Variants in AP3S2 observed in about 807,000 individuals in gnomAD.
The protein encoded by AP3S2 is AP-3 complex subunit sigma-2.
In AP3S2, 22 loss-of-function variants were observed where a neutral mutation model predicts 23.4. The ratio of observed to expected loss-of-function variants is 0.94; its 90% CI spans 0.67 to 1.34. The LOEUF (loss-of-function observed/expected upper bound fraction) is 1.34, where lower values mean the gene tolerates loss of function less well. Ranked by LOEUF, AP3S2 falls within the 40% of genes most tolerant of loss-of-function variation. AP3S2 has a pLI of 0.00. For missense variants in AP3S2, 241 were observed against 236.9 expected (o/e 1.02, Z -0.11); for synonymous variants, 86 against 87.1 (o/e 0.99, Z 0.07).
chr15:89,890,262 C>A (rs1896790834), intron 1 of AP3S2, among the ~76,000 whole-genome samples: 1 of 152,100 alleles, frequency 6.6e-6, no homozygotes, highest in African/African-American at 2.4e-5. Flanking sequence ...GTTGGTCAGG[C>A]TGGTCTTGAA....
intron 4 of AP3S2, among the ~76,000 whole-genome samples, chr15:89,842,794 G>A (rs1895362303): frequency 6.6e-6 from 1 of 151,940 alleles, no homozygotes; most frequent in Admixed American, 6.6e-5. Context: ...TGTATTTTTA[G>A]TAGAGACGGG....
Position 89,835,629 on chromosome 15 carries a change from T to G in AP3S2, c.468A>C (p.Ala156=). 1 of 1,609,186 alleles carries G rather than the reference T, an allele frequency of 6.2e-7. No homozygotes were observed. Reference sequence around the variant, plus strand: ...CAGCAGACACAGCCCGCGCAGGGGCTGCTGAAAGGCCACCCTAAGAAGAAA... The same window carrying G: ...CAGCAGACACAGCCCGCGCAGGGGCGGCTGAAAGGCCACCCTAAGAAGAAA... ...RLEKSEGGLS[A]APARAVSAVK... The change falls in exon 6 of 6, where the codon GCA becomes GCC. Residue 156 remains alanine, a synonymous_variant. Coordinates refer to ENST00000336418, the MANE Select transcript of AP3S2 (RefSeq NM_005829.5).
intron 4 of AP3S2, among the ~76,000 whole-genome samples, chr15:89,870,559 A>G (rs1015105747): frequency 1.3e-5 from 2 of 152,200 alleles, no homozygotes; most frequent in African/African-American, 4.8e-5. Context: ...GCCAACCTCA[A>G]CAGAGTCAAC....
chr15:89,834,161 C>CT lies in AP3S2; in HGVS notation c.*1353dup, dbSNP rs1344598902. 6.6e-6 allele frequency: 1 copy of CT among 152,310 alleles called. No individual in the cohort carries two copies. The highest frequency in any genetic ancestry group is 1.9e-4 in the East Asian group (1 of 5,192). The allele number at this position is 152,310 out of a possible 1,614,324, so 9.4% of individuals were successfully genotyped here. On this transcript the variant is annotated 3_prime_UTR_variant, in exon 6 of 6. Coordinates refer to ENST00000336418, the MANE Select transcript of AP3S2 (RefSeq NM_005829.5). ...TGGGGAGGGAGAAGAGGCAGCCCTG[C>CT]TCCTAGTCGCAGCCAGCGTGCGTCA...
At chr15:89,892,840 A>G (rs1038686452) in intron 1 of AP3S2, among the ~76,000 whole-genome samples, 5 of 151,922 alleles carry the variant, frequency 3.3e-5, no homozygotes, top group African/African-American at 1.2e-4. Context: ...AATTTTTTGT[A>G]TTTTTAGTAG....
chr15:89,860,294 TAAC>T (rs1479398039), intron 4 of AP3S2, among the ~76,000 whole-genome samples: 2 of 152,146 alleles, frequency 1.3e-5, no homozygotes, highest in African/African-American at 4.8e-5. Context: ...TTAACAACGA[TAAC>T]TAATAATAAA....
chr15:89,850,444 A>G (rs1243656560), intron 4 of AP3S2, among the ~76,000 whole-genome samples: 2 of 152,206 alleles, frequency 1.3e-5, no homozygotes, highest in Non-Finnish European at 2.9e-5. Context: ...AAGCATTAGA[A>G]TCACTCTAAG....
At chr15:89,876,819 C>T (rs974999537) in intron 3 of AP3S2, 3 of 155,052 alleles carry the variant, frequency 1.9e-5, no homozygotes, top group African/African-American at 7.2e-5. Context: ...AGAAATAGCT[C>T]CAGTTACTAG....
intron 4 of AP3S2, among the ~76,000 whole-genome samples, chr15:89,856,504 G>A (rs1181008212): frequency 6.6e-6 from 1 of 151,966 alleles, no homozygotes; most frequent in Non-Finnish European, 1.5e-5. Flanking sequence ...TTCAAGACTA[G>A]CCTGGCCAAG....
At chr15:89,868,375 G>A (rs1482456879) in intron 4 of AP3S2, among the ~76,000 whole-genome samples, 14 of 55,818 alleles carry the variant, frequency 2.5e-4, no homozygotes, top group Non-Finnish European at 5.2e-4. Flanking sequence ...CAGCCGCCCT[G>A]TCCGGGAGGG....
rs200273434 is a variant in AP3S2, at chr15:89,889,073, A to G, written c.137T>C (p.Ile46Thr). ...CCTTCCACCCTCCAAGAAGTTACAG[A>G]TGTTGTCATCCCGCTTGAGGACTAG... ...FHLVLKRDDNICNFLEGGSLI... is the reference protein window; with the variant it reads ...FHLVLKRDDNTCNFLEGGSLI... Residue 46 changes from isoleucine to threonine, a missense_variant, in exon 2 of 6, where the codon ATC (isoleucine) becomes ACC (threonine). Ile to Thr is a moderately conservative substitution (Grantham distance 89). Coordinates refer to ENST00000336418, the MANE Select transcript of AP3S2 (RefSeq NM_005829.5). The G allele has an allele frequency of 6.2e-7, 1 of 1,614,164 alleles. No individual in the cohort carries two copies. The highest frequency in any genetic ancestry group is 1.1e-5 in the South Asian group (1 of 91,076).
intron 4 of AP3S2, among the ~76,000 whole-genome samples, chr15:89,843,112 G>T (rs931991414): frequency 7.3e-6 from 1 of 136,682 alleles, no homozygotes; most frequent in East Asian, 2.7e-4. Flanking sequence ...AGCCTCCTGA[G>T]TAGCTGGGAT....
chr15:89,878,190 G>A (rs540080021), intron 3 of AP3S2: 3 of 610,328 alleles, frequency 4.9e-6, no homozygotes, highest in Non-Finnish European at 8.6e-6. Context: ...AAGCTGGGTG[G>A]TGATGATAAT....
At chr15:89,845,008 C>T (rs542427650) in intron 4 of AP3S2, among the ~76,000 whole-genome samples, 157 of 152,158 alleles carry the variant, frequency 1.0e-3, no homozygotes, top group African/African-American at 3.5e-3. Flanking sequence ...CAGGCTCAAG[C>T]GATTCTCTTG....
intron 5 of AP3S2, among the ~76,000 whole-genome samples, chr15:89,835,877 A>C (rs1304373625): frequency 6.6e-6 from 1 of 151,998 alleles, no homozygotes; most frequent in Non-Finnish European, 1.5e-5. Context: ...AAAATACAAA[A>C]ATTGGCCAGG....
At chr15:89,844,257 TTCTTTCTTTCTTTCTCTCTC>T (rs1313732161) in intron 4 of AP3S2, among the ~76,000 whole-genome samples, 4 of 47,672 alleles carry the variant, frequency 8.4e-5, no homozygotes, top group East Asian at 4.6e-4. Context: ...CTTTCTTTCT[TTCTTTCTTTCTTTCTCTCTC>T]TCTCTCTTTC....
chr15:89,870,452 A>C (rs1003524160), intron 4 of AP3S2, among the ~76,000 whole-genome samples: 1 of 152,200 alleles, frequency 6.6e-6, no homozygotes, highest in Non-Finnish European at 1.5e-5. Context: ...AGAGTCACAG[A>C]GCCATGTCAG....
At chr15:89,869,567 T>TAAAAAAAAA (rs527600193) in intron 4 of AP3S2, among the ~76,000 whole-genome samples, 1 of 123,438 alleles carries the variant, frequency 8.1e-6, no homozygotes, top group African/African-American at 3.0e-5. Context: ...GAATTATCAA[T>TAAAAAAAAA]AAAAAAAAAA....
chr15:89,884,921 A>C (rs188990195), intron 3 of AP3S2, among the ~76,000 whole-genome samples: 2 of 152,306 alleles, frequency 1.3e-5, no homozygotes, highest in African/African-American at 4.8e-5. Flanking sequence ...TGCTGGGATC[A>C]CAGGCGTGAG....
Sources: gnomAD v4.1 joint callset for allele counts (sites outside exome capture counted in the v4.1 genomes callset) on GRCh38, gnomAD v4.1.1 for gene constraint, MANE v1.5 for transcripts, NCBI Gene and HGNC (gene_info 2026-07-23, HGNC 2026-07-21) for gene names.